SPATA22: variants seen among roughly 807,000 people sequenced by gnomAD.
SPATA22 encodes spermatogenesis-associated protein 22.
In SPATA22, 29 loss-of-function variants were observed where a neutral mutation model predicts 47.8. The ratio of observed to expected loss-of-function variants is 0.61; its 90% confidence interval spans 0.45 to 0.83. The LOEUF is 0.83. SPATA22 is among the 40% of genes least tolerant of loss of function. The pLI, the probability that SPATA22 is intolerant of heterozygous loss-of-function variation, is 0.00. For missense variants in SPATA22, 410 were observed against 421.7 expected (o/e 0.97, Z 0.24); for synonymous variants, 133 against 140.9 (o/e 0.94, Z 0.40).
In SPATA22 at chr17:3,453,850, C is replaced by T. The variant is rs77261125; in HGVS notation, c.330-4701G>A. Among the ~76,000 whole-genome samples the T allele has an allele frequency of 1.4e-4, 21 of 152,132 alleles. No individual in the cohort carries two copies. In the East Asian group the frequency reaches 4.1e-3, roughly 29 times the overall value. Reference sequence around the variant, plus strand: ...TCCCAAATATTTCAGACAAGTAATACTCAACTAGTCTTGGAAGTCCTAGCC... The same window carrying T: ...TCCCAAATATTTCAGACAAGTAATATTCAACTAGTCTTGGAAGTCCTAGCC... On this transcript the variant is annotated intron_variant, in intron 5 of 8. Coordinates refer to ENST00000572969, the MANE Select transcript of SPATA22 (RefSeq NM_001170698.2).
intron 5 of SPATA22, among the ~76,000 whole-genome samples, chr17:3,450,686 C>T (rs1235220131): frequency 6.6e-6 from 1 of 152,140 alleles, no homozygotes; most frequent in Non-Finnish European, 1.5e-5. Context: ...TCTTTCCTCA[C>T]TCTCATGGTT....
chr17:3,479,532 C>T (rs1391407619), intron 1 of SPATA22, among the ~76,000 whole-genome samples: 1 of 152,182 alleles, frequency 6.6e-6, no homozygotes, highest in African/African-American at 2.4e-5. Flanking sequence ...CACATGATAT[C>T]ATCAATGCCA....
rs534647503 is a variant in SPATA22, at chr17:3,489,158, T to G, written c.-73-19760A>C. ...ATTTTAACAACATAATTCTAAATCT[T>G]GATACATTAAAATGCTTAGTTTTAT... On this transcript the variant is annotated intron_variant, in intron 1 of 8. Coordinates refer to the SPATA22 transcript ENST00000541913. 1.6e-3 allele frequency: 1,410 copies of G among 879,948 alleles called. 4 individuals carry two copies. Among genetic ancestry groups the G allele is most frequent in the Non-Finnish European group, 2.3e-3 (1,259 of 542,512 alleles). 54.5% of individuals were successfully genotyped at this position (879,948 alleles called of 1,614,324 possible).
At chr17:3,476,365 T>G (rs776777887), upstream of SPATA22, 1 of 1,614,152 alleles carries the variant, frequency 6.2e-7, no homozygotes, top group Non-Finnish European at 8.5e-7. Flanking sequence ...GACTGTGACC[T>G]GAATCGCATT....
At chr17:3,478,231 G>A (rs541898722) in intron 1 of SPATA22, among the ~76,000 whole-genome samples, 1 of 151,992 alleles carries the variant, frequency 6.6e-6, no homozygotes, top group South Asian at 2.1e-4. Flanking sequence ...GGCACAACTA[G>A]CCACTGTTCT....
intron 1 of SPATA22, among the ~76,000 whole-genome samples, chr17:3,495,455 G>T (rs139468370): frequency 1.3e-5 from 2 of 152,338 alleles, no homozygotes; most frequent in African/African-American, 2.4e-5. Context: ...GAATGAAGTG[G>T]CCTGCCCAGT....
intron 1 of SPATA22, among the ~76,000 whole-genome samples, chr17:3,470,651 T>G (rs1013643377): frequency 2.0e-5 from 3 of 151,448 alleles, no homozygotes; most frequent in African/African-American, 7.3e-5. Flanking sequence ...CTCGTGAGGC[T>G]GAGGCAGGAG....
chr17:3,441,458 A>G (rs1332389360), intron 8 of SPATA22: 1 of 152,030 alleles, frequency 6.6e-6, no homozygotes, highest in East Asian at 1.9e-4. Context: ...ATGAGATAAC[A>G]CTAAATTTAC....
At chr17:3,462,185 A>T (rs372888644) in intron 5 of SPATA22, among the ~76,000 whole-genome samples, 2 of 152,350 alleles carry the variant, frequency 1.3e-5, no homozygotes, top group African/African-American at 2.4e-5. Context: ...ATCATTAATA[A>T]CCCATAAGCA....
At chr17:3,484,886 C>T (rs1232966859) in intron 1 of SPATA22, among the ~76,000 whole-genome samples, 1 of 152,194 alleles carries the variant, frequency 6.6e-6, no homozygotes, top group Non-Finnish European at 1.5e-5. Flanking sequence ...ACACTGTGTT[C>T]TCCATTTATC....
intron 1 of SPATA22, among the ~76,000 whole-genome samples, chr17:3,505,750 T>G (rs373307397): frequency 4.8e-5 from 1 of 20,670 alleles, no homozygotes; most frequent in East Asian, 4.5e-4. Flanking sequence ...TTGTTTGTTG[T>G]TTTTTGTTTT....
intron 5 of SPATA22, among the ~76,000 whole-genome samples, chr17:3,459,009 C>G (rs987164744): frequency 3.4e-5 from 5 of 147,944 alleles, no homozygotes; most frequent in Admixed American, 6.9e-5. Context: ...ATGGATGAAC[C>G]TAGAGGATGT....
chr17:3,457,808 T>TACAAAAATCAAC (rs2073031677), intron 5 of SPATA22, among the ~76,000 whole-genome samples: 2 of 152,164 alleles, frequency 1.3e-5, no homozygotes, highest in Non-Finnish European at 2.9e-5. Flanking sequence ...TTACACCATA[T>TACAAAAATCAAC]ACAAAAATCA....
intron 3 of SPATA22, 108 bp from the exon 4 acceptor site, chr17:3,462,875 A>G: frequency 1.2e-6 from 1 of 852,220 alleles, no homozygotes; most frequent in African/African-American, 1.7e-5. Flanking sequence ...AAGAAGAAAA[A>G]ACTTGAATAT....
At chr17:3,451,126 T>A (rs1597391745) in intron 5 of SPATA22, among the ~76,000 whole-genome samples, 1 of 152,106 alleles carries the variant, frequency 6.6e-6, no homozygotes, top group Middle Eastern at 3.2e-3. Flanking sequence ...AGATATTCCA[T>A]GCAAACAGCA....
intron 1 of SPATA22, chr17:3,511,347 T>A (rs1327497798): frequency 6.6e-6 from 1 of 152,150 alleles, no homozygotes; most frequent in Non-Finnish European, 1.5e-5. Flanking sequence ...CTGTGCTTTT[T>A]AAAAATAAAT....
chr17:3,484,691 T>C (rs2073689359), intron 1 of SPATA22, among the ~76,000 whole-genome samples: 1 of 152,256 alleles, frequency 6.6e-6, no homozygotes, highest in African/African-American at 2.4e-5. Context: ...TACTTGAATA[T>C]TTTAGCAATG....
In SPATA22 at chr17:3,490,692, C is replaced by T. The variant is rs2073809857; in HGVS notation, c.-73-21294G>A. Among the ~76,000 whole-genome samples, 1 of 152,196 alleles carries T rather than the reference C, an allele frequency of 6.6e-6. No individual in the cohort carries two copies. The highest frequency in any genetic ancestry group is 1.5e-5 in the Non-Finnish European group (1 of 68,040). On this transcript the variant is annotated intron_variant, in intron 1 of 8. Coordinates refer to the SPATA22 transcript ENST00000541913. This position sits in a 1 kb window ranked among gnomAD's most constrained non-coding sequence, Gnocchi z 4.6. ...CTGGTTTTGAGAAGATCACAACATA[C>T]TTACAATAAACCCTCTGAATAGGAA...
Position 3,454,545 on chromosome 17 carries a change from C to T in SPATA22, c.330-5396G>A, listed in dbSNP as rs532659698. Among the ~76,000 whole-genome samples the T allele has an allele frequency of 9.4e-4, 143 of 151,558 alleles. 1 individual carries two copies. The highest frequency in any genetic ancestry group is 1.6e-3 in the African/African-American group (64 of 41,244). On this transcript the variant is annotated intron_variant, in intron 5 of 8. Coordinates refer to ENST00000572969, the MANE Select transcript of SPATA22 (RefSeq NM_001170698.2). ...ATTCCCATCTATGAGTGAGAACATG[C>T]GGTGTTTGGTTTTTTGTCCTTGCGA...
Sources: allele counts gnomAD v4.1 joint callset (sites outside exome capture counted in the v4.1 genomes callset), GRCh38; gene constraint gnomAD v4.1.1; non-coding constraint Gnocchi (gnomAD v3.1); transcripts MANE v1.5; gene names NCBI Gene and HGNC (gene_info 2026-07-23, HGNC 2026-07-21).